CUX1: variants seen among roughly 807,000 people sequenced by gnomAD.
CUX1 encodes cut like homeobox 1.
A neutral mutation model predicts 158.8 loss-of-function variants in CUX1; 31 were observed. The observed-to-expected ratio is 0.20, with a 90% CI of 0.15 to 0.26. The LOEUF is 0.26. Ranked by LOEUF, CUX1 falls within the 10% of genes least tolerant of loss-of-function variation. The pLI is 1.00. For missense variants in CUX1, 1,589 were observed against 2,014.6 expected (o/e 0.79, Z 4.04); for synonymous variants, 879 against 862.1 (o/e 1.02, Z -0.34).
Position 102,239,360 on chromosome 7 carries a change from G to A in CUX1, c.3663G>A (p.Gln1221=). The change falls in exon 23 of 24, where the codon CAG becomes CAA. Residue 1221 remains glutamine (Q), a synonymous_variant. Transcript: ENST00000292535. ...KRRHSSVSDS[Q]PCEPPSVGTE... ...GGCACAGCTCAGTCAGTGACAGCCA[G>A]CCCTGCGAACCGCCCTCTGTCGGCA... The A allele has an allele frequency of 1.2e-6, 2 of 1,612,128 alleles. No homozygotes were observed. The highest frequency in any genetic ancestry group is 1.7e-6 in the Non-Finnish European group (2 of 1,179,364).
intron 2 of CUX1, among the ~76,000 whole-genome samples, chr7:101,973,770 CTTTT>C (rs546846196): frequency 2.2e-5 from 3 of 137,360 alleles, no homozygotes; most frequent in Admixed American, 1.5e-4. Context: ...TTTTCTTTTT[CTTTT>C]TTTTTTTTTT....
intron 2 of CUX1, among the ~76,000 whole-genome samples, chr7:101,943,188 C>A (rs924253590): frequency 4.6e-5 from 7 of 151,162 alleles, no homozygotes; most frequent in Non-Finnish European, 1.0e-4. Flanking sequence ...CTCACTGCAA[C>A]CTCCACCTCC....
intron 4 of CUX1, among the ~76,000 whole-genome samples, chr7:102,072,962 C>T (rs1826288381): frequency 6.6e-6 from 1 of 152,024 alleles, no homozygotes; most frequent in African/African-American, 2.4e-5. Context: ...TCCTCAGGCT[C>T]AGGAAGGTTC....
At chr7:102,045,935 A>T (rs1277492581) in intron 3 of CUX1, among the ~76,000 whole-genome samples, 1 of 152,184 alleles carries the variant, frequency 6.6e-6, no homozygotes, top group Non-Finnish European at 1.5e-5. Flanking sequence ...CTTGGGGTTC[A>T]GGTTGCCAAG....
intron 1 of CUX1, among the ~76,000 whole-genome samples, chr7:101,866,200 GC>G: frequency 6.6e-6 from 1 of 152,126 alleles, no homozygotes; most frequent in East Asian, 1.9e-4. Flanking sequence ...GGTGGCTCAC[GC>G]CTGTAATTGC....
At chr7:102,011,660 CATG>C (rs573071474) in intron 2 of CUX1, among the ~76,000 whole-genome samples, 196 of 151,998 alleles carry the variant, frequency 1.3e-3, no homozygotes, top group Non-Finnish European at 2.2e-3. Context: ...AGATTACAGA[CATG>C]AGCCACCGCG....
chr7:101,906,905 C>T (rs1261381461), intron 1 of CUX1, among the ~76,000 whole-genome samples: 3 of 152,142 alleles, frequency 2.0e-5, no homozygotes, highest in African/African-American at 7.2e-5. Context: ...TGCTGCCCCC[C>T]ACTCCCGGAC....
intron 4 of CUX1, among the ~76,000 whole-genome samples, chr7:102,076,054 T>C (rs1826679487): frequency 6.6e-6 from 1 of 151,532 alleles, no homozygotes; most frequent in South Asian, 2.1e-4. Context: ...TCCTCCCTCT[T>C]CTTCATCTTC....
chr7:101,939,058 C>CAT (rs58303224), intron 2 of CUX1, among the ~76,000 whole-genome samples: 56 of 52,638 alleles, frequency 1.1e-3, no homozygotes, highest in Non-Finnish European at 1.4e-3. Context: ...AAAAAAAATA[C>CAT]ATATATATAT....
chr7:101,982,460 T>A (rs1813560153), intron 2 of CUX1, among the ~76,000 whole-genome samples: 1 of 152,100 alleles, frequency 6.6e-6, no homozygotes, highest in Admixed American at 6.6e-5. Flanking sequence ...GGAGTCTTGC[T>A]CTGTCGCCCA....
Position 102,254,474 on chromosome 7 carries a change from C to T in CUX1, c.*5432C>T. ...GTCCACAGTGGCATCACCCTCTTAT[C>T]CCAAAAGAATATGCCAGTTCCCATC... On this transcript the variant is annotated 3_prime_UTR_variant, in exon 24 of 24. Transcript: ENST00000292535. The T allele has an allele frequency of 1.0e-6, 1 of 985,492 alleles. No homozygotes were observed. Among genetic ancestry groups the T allele is most frequent in the Non-Finnish European group, 1.2e-6 (1 of 829,964 alleles). 61.0% of individuals were successfully genotyped at this position (985,492 alleles called of 1,614,324 possible). A position where few individuals can be genotyped will look rare whatever the true frequency, so the allele number is the denominator to read the frequency against.
At chr7:101,848,814 C>A (rs1795967369) in intron 1 of CUX1, among the ~76,000 whole-genome samples, 1 of 151,574 alleles carries the variant, frequency 6.6e-6, no homozygotes, top group East Asian at 1.9e-4. Flanking sequence ...ATTTCAAGAC[C>A]CAGCCTGGGC....
In CUX1 at chr7:102,196,942, C is replaced by G. The variant is rs1554518525; in HGVS notation, c.1531C>G (p.Pro511Ala). 6.2e-7 allele frequency: 1 copy of G among 1,614,190 alleles called. No individual in the cohort carries two copies. Among genetic ancestry groups the G allele is most frequent in the South Asian group, 1.1e-5 (1 of 91,076 alleles). Residue 511 changes from proline to alanine, a missense_variant, in exon 15 of 24, where the codon CCA (proline) becomes GCA (alanine). By Grantham distance (27) the Pro-to-Ala change is conservative. Around this residue, in one of 8 missense-constraint regions of CUX1, gnomAD observed 515 missense variants for 574.4 expected, o/e 0.90. Transcript: ENST00000292535. ...GSTSMIFSTG[P>A]YSTNSISSQS... ...CACAAGCATGATTTTTTCAACAGGTCCATACAGCACAAACTCCATATCTTC... is the reference window on the plus strand; with the variant it reads ...CACAAGCATGATTTTTTCAACAGGTGCATACAGCACAAACTCCATATCTTC...
Position 101,869,975 on chromosome 7 carries a change from C to T in CUX1, c.31-46140C>T, listed in dbSNP as rs566428197. ...GGGAAGGCGGCTCCTCGTGCCCCCC[C>T]TCTTGTGCCTTCCCTCCCCAGTGCC... On this transcript the variant is annotated intron_variant, in intron 1 of 23. Coordinates refer to ENST00000292535, the MANE Select transcript of CUX1 (RefSeq NM_181552.4). The surrounding 1 kb of genome is among the most constrained non-coding windows in gnomAD (Gnocchi z 4.5). 2.6e-5 allele frequency among the ~76,000 whole-genome samples: 4 copies of T among 151,892 alleles called. No homozygotes were observed. The highest frequency in any genetic ancestry group is 7.3e-5 in the African/African-American group (3 of 41,326).
At chr7:102,114,692 A>G (rs183553869) in intron 7 of CUX1, among the ~76,000 whole-genome samples, 39 of 152,354 alleles carry the variant, frequency 2.6e-4, no homozygotes, top group African/African-American at 8.9e-4. Flanking sequence ...AGCCTGGGCG[A>G]CATAGCAAAA....
intron 1 of CUX1, among the ~76,000 whole-genome samples, chr7:101,907,134 C>A (rs1802849110): frequency 6.6e-6 from 1 of 152,180 alleles, no homozygotes; most frequent in African/African-American, 2.4e-5. Context: ...ACCTGGTTCT[C>A]AAACTTATGA....
intron 3 of CUX1, among the ~76,000 whole-genome samples, chr7:102,060,071 C>G (rs987491299): frequency 6.6e-6 from 1 of 151,714 alleles, no homozygotes; most frequent in African/African-American, 2.4e-5. Flanking sequence ...GTCAGGGGAT[C>G]GAGACCATCC....
At chr7:101,838,337 C>G (rs1256491478) in intron 1 of CUX1, among the ~76,000 whole-genome samples, 1 of 150,912 alleles carries the variant, frequency 6.6e-6, no homozygotes, top group Non-Finnish European at 1.5e-5. Flanking sequence ...ACCATGTTGG[C>G]TAGGCTGGTC....
At chr7:102,186,276 C>T (rs972611208) in intron 11 of CUX1, among the ~76,000 whole-genome samples, 9 of 152,138 alleles carry the variant, frequency 5.9e-5, no homozygotes, top group Non-Finnish European at 8.8e-5. Flanking sequence ...AGGTTACAGG[C>T]GCTCCGGCAG....
Sources: gnomAD v4.1 joint callset for allele counts (sites outside exome capture counted in the v4.1 genomes callset) on GRCh38, gnomAD v4.1.1 for gene constraint, gnomAD v4.1.1 regional missense constraint, Gnocchi (gnomAD v3.1) non-coding constraint, MANE v1.5 for transcripts, NCBI Gene and HGNC (gene_info 2026-07-23, HGNC 2026-07-21) for gene names.